The following CFDP1 variants were observed in gnomAD, a reference collection of about 807,000 sequenced individuals.
CFDP1 encodes the protein chromatin remodeling protein CFDP1, also known as heterochromatin-stabilizing protein CFDP1.
A neutral mutation model predicts 40.1 loss-of-function variants in CFDP1; 31 were observed. That is an observed-to-expected ratio of 0.77 (90% confidence interval 0.58 to 1.04). The LOEUF is 1.04. Ranked by LOEUF, CFDP1 falls within the 50% of genes least tolerant of loss-of-function variation. The pLI, the probability that CFDP1 is intolerant of heterozygous loss-of-function variation, is 0.00. For synonymous variants in CFDP1, 167 were observed against 120.0 expected (o/e 1.39, Z -2.56); for missense variants, 423 against 343.4 (o/e 1.23, Z -1.83).
chr16:75,351,301 A>G (rs1159916607), intron 5 of CFDP1, among the ~76,000 whole-genome samples: 1 of 152,230 alleles, frequency 6.6e-6, no homozygotes, highest in African/African-American at 2.4e-5. Context: ...TAACCAACTC[A>G]GTAGCAACTG....
chr16:75,423,890 G>A (rs1281508956), intron 1 of CFDP1, among the ~76,000 whole-genome samples: 3 of 152,112 alleles, frequency 2.0e-5, no homozygotes, highest in Non-Finnish European at 4.4e-5. Flanking sequence ...TCTATCTGCA[G>A]TTGGTTGAAT....
intron 5 of CFDP1, among the ~76,000 whole-genome samples, chr16:75,330,666 T>C (rs1200247696): frequency 6.6e-6 from 1 of 152,190 alleles, no homozygotes; most frequent in Non-Finnish European, 1.5e-5. Flanking sequence ...GTCTTTCTTC[T>C]ACAGCTGGTT....
chr16:75,355,144 T>G (rs780943215), intron 5 of CFDP1, among the ~76,000 whole-genome samples: 1 of 152,238 alleles, frequency 6.6e-6, no homozygotes, highest in Non-Finnish European at 1.5e-5. Flanking sequence ...GAGCCTTCAG[T>G]GAATCAAAAT....
chr16:75,393,852 G>A (rs1597378870), intron 5 of CFDP1, among the ~76,000 whole-genome samples: 1 of 151,026 alleles, frequency 6.6e-6, no homozygotes, highest in East Asian at 1.9e-4. Context: ...GAGGTCAGGA[G>A]ATCAAGACCA....
chr16:75,361,937 G>T (rs2059256), intron 5 of CFDP1, among the ~76,000 whole-genome samples: 75,357 of 151,950 alleles, frequency 0.5, 20,150 homozygotes, highest in Admixed American at 0.63. Context: ...TGAAAGCGTG[G>T]CCTCAGGAAA....
At chr16:75,295,838 A>G (rs1469935571) in intron 6 of CFDP1, among the ~76,000 whole-genome samples, 1 of 152,200 alleles carries the variant, frequency 6.6e-6, no homozygotes, top group Non-Finnish European at 1.5e-5. Flanking sequence ...AAAAGAGAAA[A>G]AGGGAAGACA....
At chr16:75,363,371 G>A (rs111539735) in intron 5 of CFDP1, among the ~76,000 whole-genome samples, 2,920 of 150,030 alleles carry the variant, frequency 0.019, 33 homozygotes, top group South Asian at 0.028. Context: ...TGAGGAATGA[G>A]AACAAATGCA....
chr16:75,295,867 T>A (rs1399406712), intron 6 of CFDP1, among the ~76,000 whole-genome samples: 1 of 152,122 alleles, frequency 6.6e-6, no homozygotes, highest in African/African-American at 2.4e-5. Flanking sequence ...AGTGTAGACA[T>A]CTAACAACAA....
chr16:75,335,700 G>A (rs1272834107), intron 5 of CFDP1, among the ~76,000 whole-genome samples: 5 of 152,034 alleles, frequency 3.3e-5, no homozygotes. Context: ...GGGACTACAG[G>A]CGCCCGCCAC....
At chr16:75,334,183 T>C (rs1460654074) in intron 5 of CFDP1, among the ~76,000 whole-genome samples, 2 of 151,396 alleles carry the variant, frequency 1.3e-5, no homozygotes, top group Non-Finnish European at 2.9e-5. Context: ...AGACTTGACT[T>C]GCCTCCTCCT....
At chr16:75,433,232 C>G (rs956681300) in intron 1 of CFDP1, 57 bp downstream of exon 1, 1 of 1,518,370 alleles carries the variant, frequency 6.6e-7, no homozygotes, top group African/African-American at 1.4e-5. Flanking sequence ...CAGAGCGCGC[C>G]TCACGTGAGG....
At chr16:75,428,804 T>C (rs1343644864) in intron 1 of CFDP1, among the ~76,000 whole-genome samples, 12 of 151,926 alleles carry the variant, frequency 7.9e-5, no homozygotes, top group Non-Finnish European at 1.8e-4. Flanking sequence ...TACCAAGATA[T>C]ATCATGGTGA....
chr16:75,412,800 A>G (rs775954899), intron 2 of CFDP1, 46 bp from the exon 3 acceptor site: 1 of 1,464,496 alleles, frequency 6.8e-7, no homozygotes, highest in South Asian at 1.1e-5. Flanking sequence ...GCACAAAACG[A>G]TTTCAGTTAT....
At chr16:75,306,393 T>C (rs1164254870) in intron 5 of CFDP1, 1 of 152,302 alleles carries the variant, frequency 6.6e-6, no homozygotes, top group East Asian at 1.9e-4. Flanking sequence ...TCACCCCCTC[T>C]GCCTGGTGTG....
chr16:75,383,817 T>TAAA lies in CFDP1; in HGVS notation c.650+11270_650+11272dup, dbSNP rs35216321. ...CTGGCAAAAGAGCGAGACTCCGTCT[T>TAAA]AAAAAAAAAAAAAAAAAAAAGATAC... On this transcript the variant is annotated intron_variant, in intron 5 of 6. Coordinates refer to ENST00000283882, the MANE Select transcript of CFDP1 (RefSeq NM_006324.3). Among the ~76,000 whole-genome samples the TAAA allele has an allele frequency of 3.1e-3, 393 of 127,316 alleles. 4 individuals carry two copies. The highest frequency in any genetic ancestry group is 4.4e-3 in the Middle Eastern group (1 of 226). The allele number at this position is 127,316 out of a possible 152,430, so 83.5% of individuals were successfully genotyped here.
intron 3 of CFDP1, 38 bp from the exon 4 acceptor site, chr16:75,411,990 G>C: frequency 3.8e-6 from 6 of 1,566,536 alleles, no homozygotes; most frequent in Non-Finnish European, 5.2e-6. Flanking sequence ...TTCACCAAAA[G>C]ATGAACCATA....
chr16:75,367,309 T>C lies in CFDP1; in HGVS notation c.650+27781A>G, dbSNP rs533251042. Among the ~76,000 whole-genome samples, 17 of 150,450 alleles carry C rather than the reference T, an allele frequency of 1.1e-4. No individual in the cohort carries two copies. In the East Asian group the frequency reaches 2.3e-3, roughly 21 times the overall value. ...AATTTAGGGAGAGTATTAGGAAAAA[T>C]AGCTAATGCGTGCTGGGTTTAATAC... On this transcript the variant is annotated intron_variant, in intron 5 of 6. Transcript: ENST00000283882.
intron 5 of CFDP1, among the ~76,000 whole-genome samples, chr16:75,351,724 A>G (rs1207581866): frequency 2.6e-5 from 4 of 152,142 alleles, no homozygotes; most frequent in Non-Finnish European, 5.9e-5. Flanking sequence ...GAAAAGGTAA[A>G]TAGCCAAGTG....
At chr16:75,312,414 G>T (rs2078298483) in intron 5 of CFDP1, among the ~76,000 whole-genome samples, 1 of 152,110 alleles carries the variant, frequency 6.6e-6, no homozygotes, top group Non-Finnish European at 1.5e-5. Context: ...AGCAAAAAAA[G>T]TGCCATCTAT....
Sources: allele counts gnomAD v4.1 joint callset (sites outside exome capture counted in the v4.1 genomes callset), GRCh38; gene constraint gnomAD v4.1.1; transcripts MANE v1.5; gene names NCBI Gene and HGNC (gene_info 2026-07-23, HGNC 2026-07-21).